The following ABCA3 variants were observed in gnomAD, a reference collection of about 807,000 sequenced individuals.
ABCA3 encodes the protein ATP binding cassette subfamily A member 3, also known as phospholipid-transporting ATPase ABCA3.
ABCA3 carries 88 observed loss-of-function variants against 172.8 expected under a neutral mutation model. The observed-to-expected ratio is 0.51, with a 90% CI of 0.43 to 0.61. ABCA3 has a LOEUF of 0.61. Ranked by LOEUF, ABCA3 falls within the 20% of genes least tolerant of loss-of-function variation. ABCA3 has a pLI of 0.00. For missense variants in ABCA3, 2,164 were observed against 2,301.0 expected, an observed-to-expected ratio of 0.94 and a Z score of 1.22; for synonymous variants, 1,066 against 983.8, an observed-to-expected ratio of 1.08 and a Z score of -1.56.
Position 2,292,766 on chromosome 16 carries a change from TAAAAC to T in ABCA3, c.2415-533_2415-529del, listed in dbSNP as rs869150035. 2.1e-4 allele frequency among the ~76,000 whole-genome samples: 32 copies of T among 151,598 alleles called. 4 individuals carry two copies. The highest frequency in any genetic ancestry group is 7.3e-4 in the African/African-American group (30 of 41,340). On this transcript the variant is annotated intron_variant, in intron 18 of 32. Transcript: ENST00000301732. ...GAAACTCTGTCTCTACTAAAATAAATAAAACAAAACAAAACAACAAACAACAACAA... is the reference window on the plus strand; with the variant it reads ...GAAACTCTGTCTCTACTAAAATAAATAAAACAAAACAACAAACAACAACAA...
Position 2,326,484 on chromosome 16 carries a change from C to G in ABCA3, c.-18G>C, listed in dbSNP as rs750430206. ...ACAGCCATCGTCTTGCTGAAAGGGA[C>G]GCCCAGTGCTAGTTACAGACCAAAG... On this transcript the variant is annotated 5_prime_UTR_variant, in exon 4 of 33. Coordinates refer to ENST00000301732, the MANE Select transcript of ABCA3 (RefSeq NM_001089.3). 2 of 1,605,370 alleles carry G rather than the reference C, an allele frequency of 1.2e-6. No homozygotes were observed. The highest frequency in any genetic ancestry group is 2.7e-5 in the African/African-American group (2 of 74,776).
At chr16:2,338,562 C>G (rs1481054440) in intron 1 of ABCA3, among the ~76,000 whole-genome samples, 1 of 152,098 alleles carries the variant, frequency 6.6e-6, no homozygotes, top group East Asian at 1.9e-4. Context: ...TAACGGGAAG[C>G]CTGGGTGGAG....
At chr16:2,290,001 A>ACACG (rs770697754) in intron 19 of ABCA3, among the ~76,000 whole-genome samples, 1 of 137,120 alleles carries the variant, frequency 7.3e-6, no homozygotes, top group African/African-American at 2.6e-5. Context: ...ACACACACAC[A>ACACG]CCCCTTCCTA....
At chr16:2,332,843 G>A (rs2093745669) in intron 1 of ABCA3, 1 of 564,684 alleles carries the variant, frequency 1.8e-6, no homozygotes, top group Admixed American at 3.3e-5. Flanking sequence ...GTCTTGCTTT[G>A]TCACCCAGGT....
At position 2,310,407 on chromosome 16, in the gene ABCA3, AAAAC is replaced by A. The variant is rs569725428; in HGVS notation, c.1112-1788_1112-1785del. Among the ~76,000 whole-genome samples, 306 of 146,498 alleles carry A rather than the reference AAAAC, an allele frequency of 2.1e-3. 3 individuals carry two copies. Among genetic ancestry groups the A allele is most frequent in the East Asian group, 6.2e-3 (32 of 5,164 alleles). On this transcript the variant is annotated intron_variant, in intron 10 of 32. Coordinates refer to ENST00000301732, the MANE Select transcript of ABCA3 (RefSeq NM_001089.3). The stretch of plus-strand genomic sequence containing the variant: ...TAGCGACAGAGTGAGACTCTGTCTC[AAAAC>A]AAACAAACAAACAAAAAAACAAACA...
chr16:2,321,182 C>T (rs938695261), intron 7 of ABCA3, among the ~76,000 whole-genome samples: 2 of 152,144 alleles, frequency 1.3e-5, no homozygotes, highest in South Asian at 2.1e-4. Context: ...GCCAGTGTCC[C>T]CTCCTGCAGT....
rs774132750 is a variant in ABCA3, at chr16:2,283,392, C to T, written c.3863-34G>A. On this transcript the variant is annotated intron_variant, in intron 25 of 32. Coordinates refer to ENST00000301732, the MANE Select transcript of ABCA3 (RefSeq NM_001089.3). The surrounding 1 kb of genome is among the most constrained non-coding windows in gnomAD (Gnocchi z 5.4). ...CGAGGGAGTCACTGTGCCCCGAGGC[C>T]TGGGGCACCCTCCTCCCCTTCCAGG... The T allele has an allele frequency of 3.7e-5, 59 of 1,604,520 alleles. No homozygotes were observed. Among genetic ancestry groups the T allele is most frequent in the Non-Finnish European group, 4.9e-5 (58 of 1,174,740 alleles).
Position 2,278,562 on chromosome 16 carries a change from A to G in ABCA3, c.4548-104T>C, listed in dbSNP as rs2093650265. The G allele has an allele frequency of 7.1e-7, 1 of 1,412,688 alleles. No homozygotes were observed. Among genetic ancestry groups the G allele is most frequent in the African/African-American group, 1.4e-5 (1 of 70,848 alleles). The allele number at this position is 1,412,688 out of a possible 1,614,324, so 87.5% of individuals were successfully genotyped here. ...TCCCAGCAGCGGCCCACACCCAGCAATTGCAGAACAGCCCTAGTGAAGAGG... is the reference window on the plus strand; with the variant it reads ...TCCCAGCAGCGGCCCACACCCAGCAGTTGCAGAACAGCCCTAGTGAAGAGG... On this transcript the variant is annotated intron_variant, in intron 29 of 32. Coordinates refer to ENST00000301732, the MANE Select transcript of ABCA3 (RefSeq NM_001089.3). The surrounding 1 kb of genome is among the most constrained non-coding windows in gnomAD (Gnocchi z 4.4).
intron 7 of ABCA3, among the ~76,000 whole-genome samples, chr16:2,320,942 T>C (rs1056356064): frequency 1.3e-5 from 2 of 151,970 alleles, no homozygotes; most frequent in Admixed American, 1.3e-4. Flanking sequence ...AGATATTTAC[T>C]CTGTGTCATT....
Position 2,278,352 on chromosome 16 carries a change from G to A in ABCA3, c.4654C>T (p.Leu1552=), listed in dbSNP as rs200989416. ...STGMDPVARR[L]LWDTVARARE... is the part of the protein sequence containing the mutation. ...GCTCGTGCCACGGTGTCCCAAAGCA[G>A]GCGCCGGGCCACGGGGTCCATGCCA... is the stretch of plus-strand genomic sequence containing the variant. The change falls in exon 30 of 33, where the codon CTG becomes TTG. Residue 1552 remains leucine, a synonymous_variant. Transcript: ENST00000301732. The surrounding 1 kb of genome is among the most constrained non-coding windows in gnomAD (Gnocchi z 4.4). 6.2e-7 allele frequency: 1 copy of A among 1,612,048 alleles called. No homozygotes were observed. The highest frequency in any genetic ancestry group is 1.3e-5 in the African/African-American group (1 of 75,054).
rs2093663770 is a variant in ABCA3 at position 2,286,744 on chromosome 16, G to C, written c.3228C>G (p.Asn1076Lys). The C allele has an allele frequency of 4.3e-6, 7 of 1,613,930 alleles. No individual in the cohort carries two copies. Among genetic ancestry groups the C allele is most frequent in the African/African-American group, 4.0e-5 (3 of 74,936 alleles). ...GCAGGGCGCTCCGGGGCTGGGGGAA[G>C]TTGGAGACCACAATGGAGGCGTGAG... ...CGPHASIVVSNFPQPRSALQA... is the reference protein window; with the variant it reads ...CGPHASIVVSKFPQPRSALQA... The change falls in exon 22 of 33, where the codon AAC becomes AAG. Residue 1076 changes from asparagine to lysine, a missense_variant. Asn to Lys is a moderately conservative substitution (Grantham distance 94). Transcript: ENST00000301732. The surrounding 1 kb of genome is among the most constrained non-coding windows in gnomAD (Gnocchi z 5.2).
chr16:2,289,215 G>A (rs2093667977), intron 20 of ABCA3: 8 of 607,934 alleles, frequency 1.3e-5, no homozygotes, highest in Non-Finnish European at 2.0e-5. Flanking sequence ...GCAGGGTGCT[G>A]TGCCTGAGGT....
Position 2,285,767 on chromosome 16 carries a change from T to C in ABCA3, c.3279-121A>G. On this transcript the variant is annotated intron_variant, in intron 22 of 32. Transcript: ENST00000301732. This position sits in a 1 kb window ranked among gnomAD's most constrained non-coding sequence, Gnocchi z 4.7. Reference sequence around the variant, plus strand: ...CAGCAGCCCAACCACTAAAGGGGCTTATGGGAGAGCACAAGCACCATGGTT... The same window carrying C: ...CAGCAGCCCAACCACTAAAGGGGCTCATGGGAGAGCACAAGCACCATGGTT... 2.2e-6 allele frequency: 2 copies of C among 911,838 alleles called. No individual in the cohort carries two copies. Among genetic ancestry groups the C allele is most frequent in the South Asian group, 2.8e-5 (2 of 70,584 alleles). 56.5% of individuals were successfully genotyped at this position (911,838 alleles called of 1,614,324 possible).
chr16:2,281,155 A>G lies in ABCA3; in HGVS notation c.4231T>C (p.Cys1411Arg). 1 of 1,613,216 alleles carries G rather than the reference A, an allele frequency of 6.2e-7. No individual in the cohort carries two copies. The highest frequency in any genetic ancestry group is 1.6e-4 in the Middle Eastern group (1 of 6,062). The change falls in exon 28 of 33, where the codon TGC becomes CGC. Residue 1411 changes from cysteine (C) to arginine (R), a missense_variant. Around this residue, in one of 3 missense-constraint regions of ABCA3, gnomAD observed 795 missense variants for 881.9 expected, o/e 0.90. Coordinates refer to ENST00000301732, the MANE Select transcript of ABCA3 (RefSeq NM_001089.3). The surrounding 1 kb of genome is among the most constrained non-coding windows in gnomAD (Gnocchi z 4.7). Reference sequence around the variant, plus strand: ...CCATTGAAGCCCAGCAGGCCGAAGCACTCCCCTTTCTGCACCGCGAGGGAG... The same window carrying G: ...CCATTGAAGCCCAGCAGGCCGAAGCGCTCCCCTTTCTGCACCGCGAGGGAG... ...RLSLAVQKGE[C>R]FGLLGFNGAG... is the part of the protein sequence containing the mutation.
intron 7 of ABCA3, among the ~76,000 whole-genome samples, chr16:2,320,236 C>A (rs540484033): frequency 5.7e-5 from 8 of 139,554 alleles, no homozygotes; most frequent in Non-Finnish European, 1.1e-4. Flanking sequence ...GTAGCTGGGA[C>A]TACAGGTGCA....
In ABCA3 at chr16:2,286,585, G is replaced by T; in HGVS notation, c.3278+109C>A. 3 of 1,439,234 alleles carry T rather than the reference G, an allele frequency of 2.1e-6. No individual in the cohort carries two copies. Among genetic ancestry groups the T allele is most frequent in the Non-Finnish European group, 1.9e-6 (2 of 1,056,802 alleles). The allele number at this position is 1,439,234 out of a possible 1,614,324, so 89.2% of individuals were successfully genotyped here. A position where few individuals can be genotyped will look rare whatever the true frequency, so the allele number is the denominator to read the frequency against. On this transcript the variant is annotated intron_variant, in intron 22 of 32. Transcript: ENST00000301732. The surrounding 1 kb of genome is among the most constrained non-coding windows in gnomAD (Gnocchi z 5.2). ...CAGGGGTTTCCCACCAGACCCAGGG[G>T]CTTTGGGAGGGCAGACACAATGCTC...
Position 2,286,104 on chromosome 16 carries a change from C to T in ABCA3, c.3279-458G>A, listed in dbSNP as rs755004709. On this transcript the variant is annotated intron_variant, in intron 22 of 32. Transcript: ENST00000301732. This position sits in a 1 kb window ranked among gnomAD's most constrained non-coding sequence, Gnocchi z 5.2. Reference sequence around the variant, plus strand: ...GAGCCAGAAGCTGGGACGCAGCCATCGCCAGGCCTAGGCCTAGCCTGGAAT... The same window carrying T: ...GAGCCAGAAGCTGGGACGCAGCCATTGCCAGGCCTAGGCCTAGCCTGGAAT... Among the ~76,000 whole-genome samples, 24 of 152,198 alleles carry T rather than the reference C, an allele frequency of 1.6e-4. No homozygotes were observed. The highest frequency in any genetic ancestry group is 2.8e-4 in the Non-Finnish European group (19 of 68,038).
In ABCA3 at chr16:2,289,610, G is replaced by A. The variant is rs1358350107; in HGVS notation, c.2524C>T (p.Leu842=). 1 of 1,550,756 alleles carries A rather than the reference G, an allele frequency of 6.4e-7. No homozygotes were observed. The highest frequency in any genetic ancestry group is 1.2e-5 in the South Asian group (1 of 84,136). The change falls in exon 20 of 33, where the codon CTG becomes TTG. Residue 842 remains leucine (L), a synonymous_variant. Coordinates refer to ENST00000301732, the MANE Select transcript of ABCA3 (RefSeq NM_001089.3). ...MEEVFLRVGK[L]VDSSMDIQAI... ...TGGATGTCCATACTGCTGTCCACCAGCTTCCCGACCCTGTGCCGATACACA... is the reference window on the plus strand; with the variant it reads ...TGGATGTCCATACTGCTGTCCACCAACTTCCCGACCCTGTGCCGATACACA...
chr16:2,323,109 C>T (rs2093728617), intron 7 of ABCA3, among the ~76,000 whole-genome samples: 1 of 152,172 alleles, frequency 6.6e-6, no homozygotes. Context: ...AGTGAGATAC[C>T]ATCTCATACC....
Sources: allele counts gnomAD v4.1 joint callset (sites outside exome capture counted in the v4.1 genomes callset), GRCh38; gene constraint gnomAD v4.1.1; regional missense constraint gnomAD v4.1.1; non-coding constraint Gnocchi (gnomAD v3.1); transcripts MANE v1.5; gene names NCBI Gene and HGNC (gene_info 2026-07-23, HGNC 2026-07-21).